MARK2: variants seen among roughly 807,000 people sequenced by gnomAD.
The protein encoded by MARK2 is serine/threonine-protein kinase MARK2.
A neutral mutation model predicts 89.8 loss-of-function variants in MARK2; 16 were observed. That is an observed-to-expected ratio of 0.18 (90% CI 0.12 to 0.27). The LOEUF is 0.27. MARK2 is among the 10% of genes least tolerant of loss of function. MARK2 has a pLI of 1.00. For missense variants in MARK2, 621 were observed against 1,049.9 expected (o/e 0.59, Z 5.65); for synonymous variants, 382 against 399.5 (o/e 0.96, Z 0.52).
intron 1 of MARK2, among the ~76,000 whole-genome samples, chr11:63,844,848 A>T (rs529176710): frequency 5.8e-4 from 88 of 152,332 alleles, no homozygotes; most frequent in Non-Finnish European, 5.1e-4. Context: ...ACTCTTTCCC[A>T]TTGAGCACTT....
chr11:63,858,965 C>T (rs148984272), intron 1 of MARK2, among the ~76,000 whole-genome samples: 1 of 152,262 alleles, frequency 6.6e-6, no homozygotes, highest in East Asian at 1.9e-4. Flanking sequence ...CTCATTTCCT[C>T]CTTTGAATAC....
chr11:63,908,973 C>T lies in MARK2; in HGVS notation c.2103C>T (p.Thr701=). ...TCCGCTTCACGTGGAGTATGAAGAC[C>T]ACGAGCTCCATGGAGCCCAACGAGA... is the stretch of plus-strand genomic sequence containing the variant. ...RSLRFTWSMK[T]TSSMEPNEMM... The change falls in exon 19 of 19, where the codon ACC becomes ACT. Residue 701 remains threonine, a synonymous_variant. Coordinates refer to ENST00000402010, the MANE Select transcript of MARK2 (RefSeq NM_001039469.3). 2.6e-6 allele frequency: 4 copies of T among 1,564,668 alleles called. No homozygotes were observed. Among genetic ancestry groups the T allele is most frequent in the Non-Finnish European group, 3.5e-6 (4 of 1,146,036 alleles).
Position 63,856,766 on chromosome 11 carries a change from A to ATTTTTTTT in MARK2, c.54+17207_54+17208insTTTTTTTT, listed in dbSNP as rs1431845317. On this transcript the variant is annotated intron_variant, in intron 1 of 18. Coordinates refer to ENST00000402010, the MANE Select transcript of MARK2 (RefSeq NM_001039469.3). ...ATTTTTTTCCATTTTTAAATTTTTC[A>ATTTTTTTT]TGTTTTTTTTTTTTTTTTTTTTTTT... 4.8e-5 allele frequency among the ~76,000 whole-genome samples: 2 copies of ATTTTTTTT among 41,354 alleles called. 1 individual carries two copies. The highest frequency in any genetic ancestry group is 1.6e-4 in the African/African-American group (2 of 12,664). The allele number at this position is 41,354 out of a possible 152,430, so 27.1% of individuals were successfully genotyped here. A position where few individuals can be genotyped will look rare whatever the true frequency, so the allele number is the denominator to read the frequency against.
intron 3 of MARK2, among the ~76,000 whole-genome samples, chr11:63,896,747 C>T (rs536890129): frequency 5.5e-4 from 84 of 152,228 alleles, no homozygotes; most frequent in Non-Finnish European, 9.9e-4. Context: ...ATCAGGGTGT[C>T]TCTGCTTGAA....
chr11:63,844,685 G>C (rs975910839), intron 1 of MARK2, among the ~76,000 whole-genome samples: 1 of 152,190 alleles, frequency 6.6e-6, no homozygotes, highest in South Asian at 2.1e-4. Context: ...GTGCCTATGA[G>C]GTAGGAAAAG....
chr11:63,908,274 C>A lies in MARK2; in HGVS notation c.1976C>A (p.Pro659His), dbSNP rs765713946. The change falls in exon 18 of 19, where the codon CCT becomes CAT. Residue 659 changes from proline (P) to histidine (H), a missense_variant. Transcript: ENST00000402010. ...TGTTTTTTGAGGAACCTGAATGAAC[C>A]TGAAAGCAAAGACCGAGTGGAGACG... is the stretch of plus-strand genomic sequence containing the variant. ...FRFARRNLNE[P>H]ESKDRVETLR... The A allele has an allele frequency of 6.4e-7, 1 of 1,566,092 alleles. No homozygotes were observed. Among genetic ancestry groups the A allele is most frequent in the South Asian group, 1.2e-5 (1 of 85,308 alleles).
rs747472264 is a variant in MARK2 at position 63,900,851 on chromosome 11, C to A, written c.960C>A (p.Leu320=). ...AACTAAAGCCTTACGTGGAGCCACT[C>A]CCTGACTACAAGGACCCCCGGCGGA... ...DDELKPYVEP[L]PDYKDPRRTE... Residue 320 remains leucine (L), a synonymous_variant, in exon 10 of 19, where the codon CTC becomes CTA. Transcript: ENST00000402010. This position sits in a 1 kb window ranked among gnomAD's most constrained non-coding sequence, Gnocchi z 4.7. 6.2e-7 allele frequency: 1 copy of A among 1,614,154 alleles called. No homozygotes were observed. The highest frequency in any genetic ancestry group is 1.1e-5 in the South Asian group (1 of 91,086).
chr11:63,846,290 G>T (rs2016270706), intron 1 of MARK2, among the ~76,000 whole-genome samples: 1 of 151,974 alleles, frequency 6.6e-6, no homozygotes, highest in African/African-American at 2.4e-5. Context: ...GCCACGGCAG[G>T]AGGATCACTT....
chr11:63,843,645 C>G (rs2016131401), intron 1 of MARK2, among the ~76,000 whole-genome samples: 1 of 150,442 alleles, frequency 6.6e-6, no homozygotes, highest in Non-Finnish European at 1.5e-5. Context: ...TTTTTTTTGA[C>G]ACAGAGTCTT....
chr11:63,901,692 CTGTGTGTGTGTGTG>C (rs56308004), intron 11 of MARK2, among the ~76,000 whole-genome samples: 1 of 134,710 alleles, frequency 7.4e-6, no homozygotes, highest in Non-Finnish European at 1.6e-5. Flanking sequence ...GTGTGTGTAT[CTGTGTGTGTGTGTG>C]TGTGTGTGTG....
chr11:63,856,308 GT>G lies in MARK2; in HGVS notation c.54+16760del, dbSNP rs771771264. Among the ~76,000 whole-genome samples the G allele has an allele frequency of 7.0e-3, 608 of 87,256 alleles. 6 individuals carry two copies. The highest frequency in any genetic ancestry group is 0.022 in the South Asian group (65 of 2,962). 57.2% of individuals were successfully genotyped at this position (87,256 alleles called of 152,430 possible). A position where few individuals can be genotyped will look rare whatever the true frequency, so the allele number is the denominator to read the frequency against. Reference sequence around the variant, plus strand: ...GATACATACACCACTGGCCCTGTGGGTTTTTTTTTTTTGTTTTTTTTTTTTT... The same window carrying G: ...GATACATACACCACTGGCCCTGTGGGTTTTTTTTTTTGTTTTTTTTTTTTT... On this transcript the variant is annotated intron_variant, in intron 1 of 18. Transcript: ENST00000402010.
rs779385161 is a variant in MARK2 at position 63,898,672 on chromosome 11, C to T, written c.402C>T (p.Gly134=). ...TLYLVMEYAS[G]GEVFDYLVAH... is the part of the protein sequence containing the mutation. Reference sequence around the variant, plus strand: ...ACCTTGTCATGGAGTACGCTAGTGGCGGTAGGTGTGGAACTGCCTCTTCCT... The same window carrying T: ...ACCTTGTCATGGAGTACGCTAGTGGTGGTAGGTGTGGAACTGCCTCTTCCT... Residue 134 remains glycine (G), a splice_region_variant and synonymous_variant, in exon 5 of 19, where the codon GGC becomes GGT. Coordinates refer to ENST00000402010, the MANE Select transcript of MARK2 (RefSeq NM_001039469.3). The T allele has an allele frequency of 9.9e-6, 16 of 1,613,494 alleles. No homozygotes were observed. Among genetic ancestry groups the T allele is most frequent in the Non-Finnish European group, 1.4e-5 (16 of 1,179,530 alleles).
At chr11:63,888,800 T>C in intron 1 of MARK2, 3 of 1,270,882 alleles carry the variant, frequency 2.4e-6, no homozygotes, top group Non-Finnish European at 3.1e-6. Context: ...TGGTGGAAGG[T>C]GTCGCCTGCT....
At position 63,906,065 on chromosome 11, in the gene MARK2, CTTTTTTTTGTTTGTT is replaced by C. The variant is rs1941305323; in HGVS notation, c.1935-17_1935-3del. 1.5e-6 allele frequency: 2 copies of C among 1,333,274 alleles called. No homozygotes were observed. Among genetic ancestry groups the C allele is most frequent in the Non-Finnish European group, 1.9e-6 (2 of 1,036,044 alleles). The allele number at this position is 1,333,274 out of a possible 1,614,324, so 82.6% of individuals were successfully genotyped here. ...TTTTTTATTTCTTTTTTTATTTTGT[CTTTTTTTTGTTTGTT>C]TTTTTAGAAATCTGTCTTTCAGGTT... is the stretch of plus-strand genomic sequence containing the variant. On this transcript the variant is annotated splice_polypyrimidine_tract_variant and splice_region_variant and intron_variant, in intron 16 of 18. Transcript: ENST00000402010.
intron 1 of MARK2, among the ~76,000 whole-genome samples, chr11:63,893,808 C>A (rs1590659759): frequency 6.6e-6 from 1 of 152,194 alleles, no homozygotes; most frequent in East Asian, 1.9e-4. Context: ...CACTTTATTT[C>A]ATGCACAAAA....
intron 1 of MARK2, among the ~76,000 whole-genome samples, chr11:63,878,515 GC>G (rs1314538488): frequency 6.6e-6 from 1 of 151,868 alleles, no homozygotes; most frequent in Non-Finnish European, 1.5e-5. Flanking sequence ...GACTACAGGT[GC>G]CCACCACCAC....
intron 1 of MARK2, among the ~76,000 whole-genome samples, chr11:63,862,712 A>G (rs1019298183): frequency 6.6e-6 from 1 of 152,162 alleles, no homozygotes; most frequent in Non-Finnish European, 1.5e-5. Flanking sequence ...CCCTTTAGAA[A>G]AACCAAAGCC....
chr11:63,859,692 C>T (rs1023912217), intron 1 of MARK2, among the ~76,000 whole-genome samples: 1 of 151,858 alleles, frequency 6.6e-6, no homozygotes, highest in African/African-American at 2.4e-5. Flanking sequence ...AGTGCGGTGG[C>T]CGGATCTCAG....
In MARK2 at chr11:63,861,740, C is replaced by CTTT. The variant is rs531935148; in HGVS notation, c.54+22196_54+22198dup. 1.3e-3 allele frequency among the ~76,000 whole-genome samples: 160 copies of CTTT among 127,060 alleles called. 2 individuals carry two copies. Among genetic ancestry groups the CTTT allele is most frequent in the African/African-American group, 3.9e-3 (136 of 34,958 alleles). The allele number at this position is 127,060 out of a possible 152,430, so 83.4% of individuals were successfully genotyped here. A position where few individuals can be genotyped will look rare whatever the true frequency, so the allele number is the denominator to read the frequency against. On this transcript the variant is annotated intron_variant, in intron 1 of 18. Transcript: ENST00000402010. ...TTTTACATTCATTAACTCATTTACT[C>CTTT]TTTTTTTTTTTTTTTTTTGAGACAG...
Sources: gnomAD v4.1 joint callset for allele counts (sites outside exome capture counted in the v4.1 genomes callset) on GRCh38, gnomAD v4.1.1 for gene constraint, Gnocchi (gnomAD v3.1) non-coding constraint, MANE v1.5 for transcripts, NCBI Gene and HGNC (gene_info 2026-07-23, HGNC 2026-07-21) for gene names.